Variants in ZNF146 observed in about 807,000 individuals in gnomAD.
The protein encoded by ZNF146 is zinc finger protein 146, also known as zinc finger protein OZF.
Under a neutral mutation model 22.2 loss-of-function variants are expected in ZNF146, and 9 were observed. That is an observed-to-expected ratio of 0.41 (90% CI 0.24 to 0.71). The LOEUF (loss-of-function observed/expected upper bound fraction) is 0.71, where lower values mean the gene tolerates loss of function less well. Ranked by LOEUF, ZNF146 falls within the 30% of genes least tolerant of loss-of-function variation. The pLI is 0.34. For synonymous variants in ZNF146, 108 were observed against 119.2 expected (o/e 0.91, Z 0.61); for missense variants, 194 against 344.8 (o/e 0.56, Z 3.46).
At position 36,238,532 on chromosome 19, in the gene ZNF146, A is replaced by G. The variant is rs956002109; in HGVS notation, c.*1213A>G. 1 of 167,096 alleles carries G rather than the reference A, an allele frequency of 6.0e-6. No homozygotes were observed. The highest frequency in any genetic ancestry group is 2.4e-5 in the African/African-American group (1 of 41,458). 10.4% of individuals were successfully genotyped at this position (167,096 alleles called of 1,614,324 possible). A position where few individuals can be genotyped will look rare whatever the true frequency, so the allele number is the denominator to read the frequency against. On this transcript the variant is annotated 3_prime_UTR_variant, in exon 4 of 4. Coordinates refer to ENST00000443387, the MANE Select transcript of ZNF146 (RefSeq NM_007145.3). ...TGATTCTGGATTGTGGTATAGGGAT[A>G]TCTTGTCTTATTTTTTGTACTTTTC... is the stretch of plus-strand genomic sequence containing the variant.
intron 2 of ZNF146, among the ~76,000 whole-genome samples, chr19:36,227,823 G>A (rs10419269): frequency 0.26 from 39,392 of 152,084 alleles, 5,504 homozygotes; most frequent in African/African-American, 0.37. Flanking sequence ...CCGAAGTGTT[G>A]GGATTATAGG....
chr19:36,236,355 A>G lies in ZNF146; in HGVS notation c.-86A>G, dbSNP rs1411881860. On this transcript the variant is annotated 5_prime_UTR_variant, in exon 4 of 4. Coordinates refer to ENST00000443387, the MANE Select transcript of ZNF146 (RefSeq NM_007145.3). Reference sequence around the variant, plus strand: ...CCTTATAAATGTAAGAGATGTGGAAATATCTTCAGCCAAAAGTAAATCCTC... The same window carrying G: ...CCTTATAAATGTAAGAGATGTGGAAGTATCTTCAGCCAAAAGTAAATCCTC... 13 of 1,470,744 alleles carry G rather than the reference A, an allele frequency of 8.8e-6. No homozygotes were observed. The highest frequency in any genetic ancestry group is 1.4e-5 in the African/African-American group (1 of 70,644). The allele number at this position is 1,470,744 out of a possible 1,614,324, so 91.1% of individuals were successfully genotyped here.
chr19:36,221,699 C>A (rs1384837607), intron 2 of ZNF146, among the ~76,000 whole-genome samples: 2 of 152,102 alleles, frequency 1.3e-5, no homozygotes, highest in African/African-American at 4.8e-5. Context: ...TCCCTTCCCC[C>A]AGTCACATTC....
At chr19:36,232,672 G>T (rs1334451089) in intron 3 of ZNF146, among the ~76,000 whole-genome samples, 1 of 149,204 alleles carries the variant, frequency 6.7e-6, no homozygotes. Flanking sequence ...GCAGTGGTGC[G>T]ATCTGGGCTC....
At chr19:36,221,690 C>G (rs1164509450) in intron 2 of ZNF146, among the ~76,000 whole-genome samples, 5 of 152,058 alleles carry the variant, frequency 3.3e-5, no homozygotes, top group Non-Finnish European at 5.9e-5. Flanking sequence ...TCATTCTGCT[C>G]CCTTCCCCCA....
At chr19:36,234,782 G>A (rs555738415) in intron 3 of ZNF146, among the ~76,000 whole-genome samples, 44 of 152,270 alleles carry the variant, frequency 2.9e-4, no homozygotes, top group African/African-American at 1.1e-3. Context: ...CCGTATAGCA[G>A]CTCATTCCTG....
At chr19:36,219,311 G>A (rs1976742792) in intron 2 of ZNF146, among the ~76,000 whole-genome samples, 1 of 152,010 alleles carries the variant, frequency 6.6e-6, no homozygotes, top group Non-Finnish European at 1.5e-5. Flanking sequence ...ACAGGTGTGT[G>A]CCACCACGAC....
upstream of ZNF146, chr19:36,214,771 C>T (rs964015538): frequency 2.0e-5 from 3 of 152,692 alleles, no homozygotes; most frequent in African/African-American, 7.2e-5. Flanking sequence ...TCTCTTATCT[C>T]TGAGTCGGGG....
At chr19:36,215,774 C>G (rs1367448980) in intron 1 of ZNF146, among the ~76,000 whole-genome samples, 1 of 151,952 alleles carries the variant, frequency 6.6e-6, no homozygotes, top group African/African-American at 2.4e-5. Context: ...TAAGCAAAGC[C>G]CTAGACTAAA....
chr19:36,219,702 A>G (rs1442604528), intron 2 of ZNF146, among the ~76,000 whole-genome samples: 1 of 152,206 alleles, frequency 6.6e-6, no homozygotes, highest in African/African-American at 2.4e-5. Context: ...AAACCAATAC[A>G]TAATTCTTGG....
chr19:36,231,135 G>C (rs1461792480), intron 3 of ZNF146, among the ~76,000 whole-genome samples: 1 of 152,178 alleles, frequency 6.6e-6, no homozygotes, highest in African/African-American at 2.4e-5. Context: ...GGCCAAGGCA[G>C]GTGTATCACT....
intron 2 of ZNF146, among the ~76,000 whole-genome samples, chr19:36,218,720 C>G (rs1004116193): frequency 1.1e-4 from 17 of 152,114 alleles, no homozygotes; most frequent in African/African-American, 4.1e-4. Flanking sequence ...CCACCTGCCT[C>G]AGCCTCCCAA....
chr19:36,216,338 G>A (rs2145384937), intron 1 of ZNF146, among the ~76,000 whole-genome samples: 1 of 152,196 alleles, frequency 6.6e-6, no homozygotes, highest in Middle Eastern at 3.4e-3. Context: ...TTAAGTGAAT[G>A]TATTAATTTA....
intron 2 of ZNF146, among the ~76,000 whole-genome samples, chr19:36,225,607 T>G (rs2145421039): frequency 6.6e-6 from 1 of 151,698 alleles, no homozygotes; most frequent in African/African-American, 2.4e-5. Flanking sequence ...CATACCACCA[T>G]ACCTGGCTAG....
intron 3 of ZNF146, among the ~76,000 whole-genome samples, chr19:36,235,252 C>G: frequency 6.6e-6 from 1 of 151,496 alleles, no homozygotes; most frequent in South Asian, 2.1e-4. Context: ...ATTTTTCTTC[C>G]TTAGCATCCC....
rs571239616 is a variant in ZNF146 at position 36,217,214 on chromosome 19, C to T, written c.-928-908C>T. Among the ~76,000 whole-genome samples the T allele has an allele frequency of 1.7e-4, 26 of 151,692 alleles. No homozygotes were observed. In the South Asian group the frequency reaches 5.2e-3, roughly 31 times the overall value. Reference sequence around the variant, plus strand: ...AGTAGCTGGGATTAGTTGCCTGCCACCACACCCGGCTACTTTTTTTGTATT... The same window carrying T: ...AGTAGCTGGGATTAGTTGCCTGCCATCACACCCGGCTACTTTTTTTGTATT... On this transcript the variant is annotated intron_variant, in intron 1 of 3. Transcript: ENST00000443387.
At chr19:36,225,800 AC>A (rs1285361493) in intron 2 of ZNF146, among the ~76,000 whole-genome samples, 2 of 111,646 alleles carry the variant, frequency 1.8e-5, no homozygotes, top group Non-Finnish European at 3.4e-5. Flanking sequence ...TTGCTTTGTC[AC>A]CCAGGCTGGA....
At chr19:36,217,654 G>A (rs1976666955) in intron 1 of ZNF146, among the ~76,000 whole-genome samples, 1 of 152,050 alleles carries the variant, frequency 6.6e-6, no homozygotes, top group South Asian at 2.1e-4. Flanking sequence ...GGAGGCCAAC[G>A]CAGGCGGATC....
intron 2 of ZNF146, among the ~76,000 whole-genome samples, chr19:36,220,376 TA>T (rs1177131848): frequency 8.2e-5 from 10 of 122,064 alleles, no homozygotes; most frequent in South Asian, 2.5e-4. Context: ...AATTTTATTT[TA>T]TTTTTGAGAC....
Sources: allele counts gnomAD v4.1 joint callset (sites outside exome capture counted in the v4.1 genomes callset), GRCh38; gene constraint gnomAD v4.1.1; transcripts MANE v1.5; gene names NCBI Gene and HGNC (gene_info 2026-07-23, HGNC 2026-07-21).